Variants in HNRNPA2B1 observed in about 807,000 individuals in gnomAD.
The protein encoded by HNRNPA2B1 is heterogeneous nuclear ribonucleoproteins A2/B1.
Under a neutral mutation model 46.3 loss-of-function variants are expected in HNRNPA2B1, and 3 were observed. The ratio of observed to expected loss-of-function variants is 0.06; its 90% CI spans 0.03 to 0.17. The LOEUF is 0.17. Ranked by LOEUF, HNRNPA2B1 falls within the 10% of genes least tolerant of loss-of-function variation. HNRNPA2B1 has a pLI of 1.00. For missense variants in HNRNPA2B1, 221 were observed against 418.9 expected, an observed-to-expected ratio of 0.53 and a Z score of 4.12; for synonymous variants, 225 against 133.8, an observed-to-expected ratio of 1.68 and a Z score of -4.70.
At position 26,195,461 on chromosome 7, in the gene HNRNPA2B1, C is replaced by CT. The variant is rs1258998358; in HGVS notation, c.721+385dup. ...GCTTTTTGAAAGTTATCCTGGGATG[C>CT]TTCCCATCTAGTTACGGGTTTAGAC... is the stretch of plus-strand genomic sequence containing the variant. On this transcript the variant is annotated intron_variant, in intron 7 of 10. Transcript: ENST00000618183. Among the ~76,000 whole-genome samples the CT allele has an allele frequency of 2.6e-5, 4 of 152,268 alleles. No homozygotes were observed. The East Asian group carries it at 7.7e-4, about 29-fold the overall frequency.
intron 1 of HNRNPA2B1, chr7:26,198,591 A>T (rs1783952721): frequency 6.6e-6 from 1 of 152,290 alleles, no homozygotes; most frequent in Admixed American, 6.5e-5. Flanking sequence ...CCATGTGGCA[A>T]GCGACAGGCA....
In HNRNPA2B1 at chr7:26,192,499, G is replaced by A. The variant is rs1239147009; in HGVS notation, c.*17C>T. 2 of 1,605,494 alleles carry A rather than the reference G, an allele frequency of 1.2e-6. No homozygotes were observed. Among genetic ancestry groups the A allele is most frequent in the East Asian group, 2.2e-5 (1 of 44,822 alleles). On this transcript the variant is annotated 3_prime_UTR_variant, in exon 10 of 11. Transcript: ENST00000618183. ...TAAAACTCAAAAGCTACTTACCCAT[G>A]GCAAATAGGAAGAAGCTCAGTATCG...
At chr7:26,194,736 A>G (rs1783321448) in intron 7 of HNRNPA2B1, among the ~76,000 whole-genome samples, 1 of 151,922 alleles carries the variant, frequency 6.6e-6, no homozygotes. Context: ...TATGTTCTTT[A>G]CTGTAAATAG....
At chr7:26,200,523 C>A (rs764315652) in intron 1 of HNRNPA2B1, 49 bp downstream of exon 1, 6 of 1,603,528 alleles carry the variant, frequency 3.7e-6, no homozygotes, top group Non-Finnish European at 5.1e-6. Flanking sequence ...GAGGCGCCAA[C>A]GGCCTCGCCA....
At position 26,196,382 on chromosome 7, in the gene HNRNPA2B1, C is replaced by G. The variant is rs756561817; in HGVS notation, c.658+19G>C. On this transcript the variant is annotated intron_variant, in intron 6 of 10. Coordinates refer to ENST00000618183, the MANE Select transcript of HNRNPA2B1 (RefSeq NM_002137.4). ...TAAAAGCACACTCATCCTTTAAACA[C>G]GTAGAACTTGAAACTCACCAGATCC... 4 of 1,589,958 alleles carry G rather than the reference C, an allele frequency of 2.5e-6. No individual in the cohort carries two copies. The highest frequency in any genetic ancestry group is 1.3e-5 in the African/African-American group (1 of 74,232).
At chr7:26,195,681 C>CAGCTAAG (rs1366629042) in intron 7 of HNRNPA2B1, 166 bp downstream of exon 7, 1 of 673,204 alleles carries the variant, frequency 1.5e-6, no homozygotes, top group African/African-American at 1.9e-5. Context: ...TAGGCTATAA[C>CAGCTAAG]AGCTAAGATG....
In HNRNPA2B1 at chr7:26,196,408, T is replaced by A. The variant is rs1172992271; in HGVS notation, c.651A>T (p.Gly217=). The stretch of plus-strand genomic sequence containing the variant: ...GTAGAACTTGAAACTCACCAGATCC[T>A]CCTCTAAAGTTACTTCCTGGTCCTG... ...FGPGPGSNFR[G]GSDGYGSGRG... The change falls in exon 6 of 11, where the codon GGA becomes GGT. Residue 217 remains glycine (G), a synonymous_variant. Transcript: ENST00000618183. 6.2e-6 allele frequency: 10 copies of A among 1,613,236 alleles called. No individual in the cohort carries two copies. The highest frequency in any genetic ancestry group is 8.5e-6 in the Non-Finnish European group (10 of 1,179,390).
rs763262209 is a variant in HNRNPA2B1, at chr7:26,192,056, A to G, written c.*304T>C. 6.5e-6 allele frequency: 1 copy of G among 153,634 alleles called. No individual in the cohort carries two copies. The highest frequency in any genetic ancestry group is 1.5e-5 in the Non-Finnish European group (1 of 68,678). The allele number at this position is 153,634 out of a possible 1,614,324, so 9.5% of individuals were successfully genotyped here. ...ACATTATCAAAGAAGGAATGCTTCT[A>G]CACTCTTACAAAGACCACTAGAAAG... On this transcript the variant is annotated 3_prime_UTR_variant, in exon 11 of 11. Coordinates refer to ENST00000618183, the MANE Select transcript of HNRNPA2B1 (RefSeq NM_002137.4).
chr7:26,197,206 TTAA>T, intron 3 of HNRNPA2B1, 106 bp downstream of exon 3: 2 of 1,361,124 alleles, frequency 1.5e-6, no homozygotes, highest in South Asian at 1.4e-5. Context: ...CAACACACCT[TTAA>T]TAAGAGAAAA....
In HNRNPA2B1 at chr7:26,191,312, T is replaced by C. The variant is rs1028815154; in HGVS notation, c.*1048A>G. 5 of 152,206 alleles carry C rather than the reference T, an allele frequency of 3.3e-5. No homozygotes were observed. Among genetic ancestry groups the C allele is most frequent in the African/African-American group, 9.6e-5 (4 of 41,454 alleles). 9.4% of individuals were successfully genotyped at this position (152,206 alleles called of 1,614,324 possible). On this transcript the variant is annotated 3_prime_UTR_variant, in exon 11 of 11. Transcript: ENST00000618183. ...AGTTTATAAATTGTTAAACTCAATTTATAGCTATGTTAAACTACGTAAGAA... is the reference window on the plus strand; with the variant it reads ...AGTTTATAAATTGTTAAACTCAATTCATAGCTATGTTAAACTACGTAAGAA...
intron 1 of HNRNPA2B1, 173 bp from the exon 2 acceptor site, chr7:26,197,905 T>C (rs759831420): frequency 1.3e-6 from 2 of 1,486,984 alleles, no homozygotes; most frequent in Non-Finnish European, 1.8e-6. Flanking sequence ...ATTTAAACCA[T>C]ATGTTAAACT....
chr7:26,192,259 C>T lies in HNRNPA2B1; in HGVS notation c.*101G>A. On this transcript the variant is annotated 3_prime_UTR_variant, in exon 11 of 11. Transcript: ENST00000618183. ...TTATGCATGACTGAGATAAGAGTTT[C>T]CTTAACATTGTTATTTCGATAACCT... 1 of 447,312 alleles carries T rather than the reference C, an allele frequency of 2.2e-6. No homozygotes were observed. The highest frequency in any genetic ancestry group is 3.1e-5 in the South Asian group (1 of 32,210). 27.7% of individuals were successfully genotyped at this position (447,312 alleles called of 1,614,324 possible). A position where few individuals can be genotyped will look rare whatever the true frequency, so the allele number is the denominator to read the frequency against.
At chr7:26,198,955 G>C (rs1298561475) in intron 1 of HNRNPA2B1, 1 of 152,082 alleles carries the variant, frequency 6.6e-6, no homozygotes, top group Non-Finnish European at 1.5e-5. Context: ...TAGTTTTCAT[G>C]ACTCGTAAAA....
chr7:26,200,136 TGGC>T (rs1473916518), intron 1 of HNRNPA2B1: 7 of 209,334 alleles, frequency 3.3e-5, no homozygotes, highest in Admixed American at 5.3e-5. Context: ...GCCATGAAAA[TGGC>T]GGCCGCCAAA....
chr7:26,195,619 G>A (rs1348455436), intron 7 of HNRNPA2B1: 8 of 517,622 alleles, frequency 1.5e-5, no homozygotes, highest in African/African-American at 4.0e-5. Flanking sequence ...GAAAAGATGA[G>A]ATACTCTGAT....
intron 7 of HNRNPA2B1, 28 bp downstream of exon 7, chr7:26,195,819 A>G: frequency 6.2e-7 from 1 of 1,604,370 alleles, no homozygotes. Context: ...AGTCACATAA[A>G]CAAACCAAAA....
intron 7 of HNRNPA2B1, 70 bp from the exon 8 acceptor site, chr7:26,193,764 C>A (rs575580732): frequency 1.6e-6 from 2 of 1,278,606 alleles, no homozygotes; most frequent in East Asian, 2.4e-5. Context: ...CTCCTCACAT[C>A]CATTTCCAGC....
chr7:26,200,598 C>A lies in HNRNPA2B1; in HGVS notation c.-21G>T, dbSNP rs754842375. ...TCCATCGCGGACTCAGTCGCTTCAG[C>A]CCGATTTCCCGCAGCCGAGCGAGAT... On this transcript the variant is annotated 5_prime_UTR_variant, in exon 1 of 11. Transcript: ENST00000618183. 6.2e-7 allele frequency: 1 copy of A among 1,613,596 alleles called. No homozygotes were observed. Among genetic ancestry groups the A allele is most frequent in the South Asian group, 1.1e-5 (1 of 91,086 alleles).
chr7:26,191,805 CCTTAA>C lies in HNRNPA2B1; in HGVS notation c.*550_*554del, dbSNP rs1477801638. The C allele has an allele frequency of 2.0e-5, 3 of 152,558 alleles. No individual in the cohort carries two copies. Among genetic ancestry groups the C allele is most frequent in the African/African-American group, 2.4e-5 (1 of 41,438 alleles). 9.5% of individuals were successfully genotyped at this position (152,558 alleles called of 1,614,324 possible). ...ACGGACCTTAATTATACTACCCACT[CCTTAA>C]CTTATTTAAAATAAAAAGTCTATAA... On this transcript the variant is annotated 3_prime_UTR_variant, in exon 11 of 11. Coordinates refer to ENST00000618183, the MANE Select transcript of HNRNPA2B1 (RefSeq NM_002137.4).
Sources: gnomAD v4.1 joint callset for allele counts (sites outside exome capture counted in the v4.1 genomes callset) on GRCh38, gnomAD v4.1.1 for gene constraint, MANE v1.5 for transcripts, NCBI Gene and HGNC (gene_info 2026-07-23, HGNC 2026-07-21) for gene names.